NHSL1: variants seen among roughly 807,000 people sequenced by gnomAD.
NHSL1 encodes the protein NHS-like protein 1.
In NHSL1, 48 loss-of-function variants were observed where a neutral mutation model predicts 95.0. The observed-to-expected ratio is 0.51, with a 90% CI of 0.40 to 0.64. NHSL1 has a LOEUF of 0.64. Ranked by LOEUF, NHSL1 falls within the 30% of genes least tolerant of loss-of-function variation. The pLI is 0.00. For missense variants in NHSL1, 1,971 were observed against 2,077.7 expected, an observed-to-expected ratio of 0.95 and a Z score of 1.00; for synonymous variants, 783 against 833.9, an observed-to-expected ratio of 0.94 and a Z score of 1.05.
At chr6:138,651,688 A>C (rs1785095326) in intron 1 of NHSL1, among the ~76,000 whole-genome samples, 2 of 152,226 alleles carry the variant, frequency 1.3e-5, no homozygotes, top group African/African-American at 2.4e-5. Flanking sequence ...ACAACATTCC[A>C]GAAGCTACAG....
intron 1 of NHSL1, among the ~76,000 whole-genome samples, chr6:138,623,420 T>C (rs1008951943): frequency 2.0e-5 from 3 of 152,222 alleles, no homozygotes; most frequent in Non-Finnish European, 4.4e-5. Flanking sequence ...ATAAAAGTTA[T>C]ATATATTTAT....
At chr6:138,684,914 A>G (rs1785565406) in intron 1 of NHSL1, among the ~76,000 whole-genome samples, 1 of 152,176 alleles carries the variant, frequency 6.6e-6, no homozygotes, top group East Asian at 1.9e-4. Flanking sequence ...AGAATTAAGT[A>G]AGTTACTAGG....
chr6:138,571,278 T>A (rs566798765), intron 1 of NHSL1, among the ~76,000 whole-genome samples: 1 of 152,206 alleles, frequency 6.6e-6, no homozygotes, highest in South Asian at 2.1e-4. Flanking sequence ...TCCTCAATCT[T>A]AGAAGAAGGA....
chr6:138,624,612 T>A (rs1021174083), intron 1 of NHSL1, among the ~76,000 whole-genome samples: 1 of 152,124 alleles, frequency 6.6e-6, no homozygotes, highest in Non-Finnish European at 1.5e-5. Context: ...ACAATTAAGA[T>A]CTCTCAGAAA....
intron 1 of NHSL1, among the ~76,000 whole-genome samples, chr6:138,497,629 T>C (rs978660147): frequency 3.3e-5 from 5 of 152,226 alleles, no homozygotes; most frequent in Non-Finnish European, 5.9e-5. Flanking sequence ...AAAGATCAAA[T>C]GAACCAATAT....
intron 1 of NHSL1, among the ~76,000 whole-genome samples, chr6:138,677,765 G>A (rs1785466230): frequency 6.6e-6 from 1 of 152,214 alleles, no homozygotes; most frequent in South Asian, 2.1e-4. Context: ...ACTGCTGCGT[G>A]TGTTAGAATC....
intron 1 of NHSL1, among the ~76,000 whole-genome samples, chr6:138,584,065 G>A (rs1784099144): frequency 2.0e-5 from 3 of 152,160 alleles, no homozygotes; most frequent in Admixed American, 6.5e-5. Flanking sequence ...GCTGCAGTGA[G>A]TTATGAATGC....
chr6:138,562,766 G>C (rs1342083429), intron 1 of NHSL1, among the ~76,000 whole-genome samples: 1 of 151,854 alleles, frequency 6.6e-6, no homozygotes, highest in African/African-American at 2.4e-5. Context: ...TCTTTTCTCG[G>C]TTACGACAGC....
intron 1 of NHSL1, among the ~76,000 whole-genome samples, chr6:138,551,738 C>G (rs1338573507): frequency 1.3e-5 from 2 of 152,122 alleles, no homozygotes; most frequent in Non-Finnish European, 2.9e-5. Flanking sequence ...ACCAGGGAAA[C>G]TGATTTAAAA....
chr6:138,667,774 C>T (rs1188575904), intron 1 of NHSL1, among the ~76,000 whole-genome samples: 1 of 152,122 alleles, frequency 6.6e-6, no homozygotes, highest in Non-Finnish European at 1.5e-5. Flanking sequence ...TCTATTTTCT[C>T]ACTAACATTA....
rs1783625154 is a variant in NHSL1 at position 138,566,554 on chromosome 6, CT to C, written c.202+5155del. Among the ~76,000 whole-genome samples, 3 of 151,534 alleles carry C rather than the reference CT, an allele frequency of 2.0e-5. No homozygotes were observed. In the South Asian group the frequency reaches 6.3e-4, roughly 32 times the overall value. On this transcript the variant is annotated intron_variant, in intron 1 of 6. Coordinates refer to the NHSL1 transcript ENST00000427025. ...CTCAAGCCCTGACAATAAGTTGCTT[CT>C]TTTTATCACTCTTAAGATACTTTTC...
chr6:138,443,106 T>G (rs979338880), intron 4 of NHSL1, among the ~76,000 whole-genome samples: 3 of 152,218 alleles, frequency 2.0e-5, no homozygotes, highest in African/African-American at 7.2e-5. Context: ...TTCTATCATT[T>G]TATGCATAAA....
chr6:138,547,771 C>G (rs1032844653), upstream of NHSL1, among the ~76,000 whole-genome samples: 1 of 152,188 alleles, frequency 6.6e-6, no homozygotes, highest in African/African-American at 2.4e-5. Flanking sequence ...ACCTAACAAA[C>G]AAGATCAAAA....
chr6:138,496,881 T>A (rs1045157694), intron 1 of NHSL1, among the ~76,000 whole-genome samples: 4 of 152,250 alleles, frequency 2.6e-5, no homozygotes, highest in Admixed American at 6.5e-5. Flanking sequence ...ATTACATTTT[T>A]AAAAAATTAA....
intron 3 of NHSL1, among the ~76,000 whole-genome samples, chr6:138,469,535 G>A (rs1283513534): frequency 1.3e-5 from 2 of 152,114 alleles, no homozygotes; most frequent in Non-Finnish European, 2.9e-5. Flanking sequence ...ACCAGCCTGG[G>A]CAACATGGCA....
upstream of NHSL1, among the ~76,000 whole-genome samples, chr6:138,547,003 G>A (rs1204715912): frequency 2.6e-5 from 4 of 152,194 alleles, no homozygotes; most frequent in Admixed American, 1.3e-4. Context: ...TCCTGGCTCA[G>A]GAAGTGGCCA....
Position 138,429,699 on chromosome 6 carries a change from A to C in NHSL1, c.4085+12T>G. 1 of 1,544,822 alleles carries C rather than the reference A, an allele frequency of 6.5e-7. No homozygotes were observed. On this transcript the variant is annotated intron_variant, in intron 7 of 7. Transcript: ENST00000343505. ...ACAGTAGATTAAAGTCAGAGGAAGG[A>C]GTTTGAAATACCTGTGAATAGCTGC...
exon 1 of NHSL1, chr6:138,572,526 G>A (rs548193608): frequency 3.3e-5 from 5 of 152,504 alleles, no homozygotes; most frequent in African/African-American, 1.2e-4. Flanking sequence ...TCTCCTTCCC[G>A]TCTGTGAAGC....
chr6:138,491,457 T>A (rs1164651938), intron 2 of NHSL1, among the ~76,000 whole-genome samples: 1 of 152,222 alleles, frequency 6.6e-6, no homozygotes, highest in African/African-American at 2.4e-5. Flanking sequence ...TCTCTTGATT[T>A]CTTTTCCACT....
Sources: allele counts gnomAD v4.1 joint callset (sites outside exome capture counted in the v4.1 genomes callset), GRCh38; gene constraint gnomAD v4.1.1; transcripts MANE v1.5; gene names NCBI Gene and HGNC (gene_info 2026-07-23, HGNC 2026-07-21).